The following SSH2 variants were observed in gnomAD, a reference collection of about 807,000 sequenced individuals.
SSH2 encodes the protein protein phosphatase Slingshot homolog 2.
Under a neutral mutation model 135.2 loss-of-function variants are expected in SSH2, and 37 were observed. That is an observed-to-expected ratio of 0.27 (90% CI 0.21 to 0.36). The LOEUF (loss-of-function observed/expected upper bound fraction) is 0.36, where lower values mean the gene tolerates loss of function less well. SSH2 is among the 10% of genes least tolerant of loss of function. SSH2 has a pLI of 1.00. For missense variants in SSH2, 1,408 were observed against 1,765.3 expected (o/e 0.80, Z 3.63); for synonymous variants, 628 against 646.2 (o/e 0.97, Z 0.43).
At chr17:29,873,323 G>A (rs2065970413) in intron 1 of SSH2, among the ~76,000 whole-genome samples, 2 of 152,246 alleles carry the variant, frequency 1.3e-5, no homozygotes, top group South Asian at 4.1e-4. Context: ...ACTTTGGGAG[G>A]CTGAGGCAGT....
intron 2 of SSH2, among the ~76,000 whole-genome samples, chr17:29,828,580 T>C (rs1276381232): frequency 6.6e-6 from 1 of 152,212 alleles, no homozygotes; most frequent in Non-Finnish European, 1.5e-5. Flanking sequence ...ACCAATTCCT[T>C]AGAAAATATT....
rs1201242360 is a variant in SSH2 at position 29,630,863 on chromosome 17, T to C, written c.4331A>G (p.Asn1444Ser). The change falls in exon 16 of 16, where the codon AAC (asparagine) becomes AGC (serine). Residue 1444 changes from asparagine to serine, a missense_variant. Asn to Ser is a conservative substitution (Grantham distance 46, BLOSUM62 1). Around this residue, in one of 3 missense-constraint regions of SSH2, gnomAD observed 1,080 missense variants for 1,144.5 expected, o/e 0.94. Coordinates refer to ENST00000540801, the MANE Select transcript of SSH2 (RefSeq NM_001282129.2). ...KKANDKKRTT[N>S]PFYNTM ...GAATCACATGGTATTATAGAAGGGG[T>C]TGGTTGTCCGTTTTTTGTCATTTGC... The C allele has an allele frequency of 2.6e-6, 4 of 1,559,634 alleles. No homozygotes were observed. Among genetic ancestry groups the C allele is most frequent in the Admixed American group, 1.9e-5 (1 of 53,464 alleles).
At chr17:29,652,148 CA>C (rs576534977) in intron 12 of SSH2, among the ~76,000 whole-genome samples, 1 of 149,446 alleles carries the variant, frequency 6.7e-6, no homozygotes, top group Non-Finnish European at 1.5e-5. Flanking sequence ...GTCTCAAAAA[CA>C]AAAAAAAAGG....
At chr17:29,795,720 T>C (rs2042144905) in intron 2 of SSH2, among the ~76,000 whole-genome samples, 2 of 152,216 alleles carry the variant, frequency 1.3e-5, no homozygotes, top group African/African-American at 4.8e-5. Context: ...TCTCAAATTA[T>C]AATGCAGTCT....
intron 3 of SSH2, among the ~76,000 whole-genome samples, chr17:29,747,138 A>C (rs1049049202): frequency 2.0e-5 from 3 of 152,198 alleles, no homozygotes; most frequent in African/African-American, 7.2e-5. Flanking sequence ...ATCTCACGTG[A>C]TATCCAAAAT....
At chr17:29,881,100 T>A (rs1198992511) in intron 1 of SSH2, among the ~76,000 whole-genome samples, 1 of 152,248 alleles carries the variant, frequency 6.6e-6, no homozygotes, top group Non-Finnish European at 1.5e-5. Flanking sequence ...GTAGTATCTG[T>A]GTGCTCCTTA....
intron 4 of SSH2, among the ~76,000 whole-genome samples, chr17:29,698,816 G>T (rs1159618912): frequency 6.6e-6 from 1 of 152,128 alleles, no homozygotes; most frequent in African/African-American, 2.4e-5. Flanking sequence ...TTAAAATTAA[G>T]TTTCCTTCTG....
chr17:29,743,907 C>CTT (rs59540894), intron 3 of SSH2, among the ~76,000 whole-genome samples: 5,783 of 99,238 alleles, frequency 0.058, 200 homozygotes, highest in African/African-American at 0.097. Flanking sequence ...TTCTTTTTTC[C>CTT]TTTTTTTTTT....
intron 1 of SSH2, among the ~76,000 whole-genome samples, chr17:29,908,938 G>A (rs1374075260): frequency 6.6e-5 from 10 of 151,746 alleles, no homozygotes; most frequent in Admixed American, 2.6e-4. Context: ...TTACCCAGGC[G>A]TGGTGGCGGG....
chr17:29,670,489 C>T (rs2037448528), intron 9 of SSH2, among the ~76,000 whole-genome samples: 1 of 152,196 alleles, frequency 6.6e-6, no homozygotes. Context: ...GGAAAGTTCA[C>T]CTTTTCTAGT....
rs568604134 is a variant in SSH2, at chr17:29,784,542, A to C, written c.188+9352T>G. ...AATCCAGGAGGCGGAGGTTGCAGTGAGCCGAGATTGCACCCCACTGCACTC... is the reference window on the plus strand; with the variant it reads ...AATCCAGGAGGCGGAGGTTGCAGTGCGCCGAGATTGCACCCCACTGCACTC... On this transcript the variant is annotated intron_variant, in intron 3 of 15. Coordinates refer to ENST00000540801, the MANE Select transcript of SSH2 (RefSeq NM_001282129.2). Among the ~76,000 whole-genome samples, 149 of 151,674 alleles carry C rather than the reference A, an allele frequency of 9.8e-4. 2 individuals are homozygous for C. The Middle Eastern group carries it at 0.01, about 10-fold the overall frequency.
chr17:29,840,006 A>C (rs552660596), intron 2 of SSH2, among the ~76,000 whole-genome samples: 3 of 152,194 alleles, frequency 2.0e-5, no homozygotes, highest in Non-Finnish European at 4.4e-5. Flanking sequence ...TGGGTGTCAC[A>C]TGGTAAGTAC....
intron 1 of SSH2, among the ~76,000 whole-genome samples, chr17:29,890,589 TAG>T (rs772873609): frequency 5.3e-5 from 8 of 152,136 alleles, no homozygotes; most frequent in Non-Finnish European, 7.4e-5. Flanking sequence ...AGGGAAGTTA[TAG>T]AGACAGAGAT....
chr17:29,749,367 G>A (rs969767746), intron 3 of SSH2, among the ~76,000 whole-genome samples: 2 of 152,108 alleles, frequency 1.3e-5, no homozygotes, highest in Non-Finnish European at 2.9e-5. Context: ...AAACCTAGAT[G>A]GTACAGCCTA....
At chr17:29,826,262 A>G (rs2042742377) in intron 2 of SSH2, among the ~76,000 whole-genome samples, 2 of 152,222 alleles carry the variant, frequency 1.3e-5, no homozygotes, top group African/African-American at 4.8e-5. Context: ...AATATAATGA[A>G]TTATGCAACA....
chr17:29,727,384 T>C (rs956296121), intron 3 of SSH2, among the ~76,000 whole-genome samples: 1 of 152,232 alleles, frequency 6.6e-6, no homozygotes, highest in Non-Finnish European at 1.5e-5. Context: ...AATATTAAAT[T>C]TCTTTGACTC....
At chr17:29,921,084 T>A (rs755469303) in intron 1 of SSH2, among the ~76,000 whole-genome samples, 9 of 152,208 alleles carry the variant, frequency 5.9e-5, no homozygotes, top group Non-Finnish European at 1.2e-4. Context: ...GTTTAGCCTC[T>A]AATTTTTAAA....
chr17:29,924,891 T>C (rs2067037700), intron 1 of SSH2, among the ~76,000 whole-genome samples: 1 of 152,200 alleles, frequency 6.6e-6, no homozygotes, highest in Non-Finnish European at 1.5e-5. Context: ...AAGGTTGCAA[T>C]ATAAATGATC....
intron 3 of SSH2, chr17:29,787,402 C>A (rs991046664): frequency 3.0e-4 from 46 of 152,180 alleles, no homozygotes; most frequent in African/African-American, 1.0e-3. Context: ...TTGCTTCCAT[C>A]TCTTGGCTAT....
Sources: gnomAD v4.1 joint callset for allele counts (sites outside exome capture counted in the v4.1 genomes callset) on GRCh38, gnomAD v4.1.1 for gene constraint, gnomAD v4.1.1 regional missense constraint, MANE v1.5 for transcripts, NCBI Gene and HGNC (gene_info 2026-07-23, HGNC 2026-07-21) for gene names.